The following ZMYM4 variants were observed in gnomAD, a reference collection of about 807,000 sequenced individuals.
ZMYM4 encodes zinc finger MYM-type protein 4.
In ZMYM4, 31 loss-of-function variants were observed where a neutral mutation model predicts 183.2. The ratio of observed to expected loss-of-function variants is 0.17; its 90% confidence interval spans 0.13 to 0.23. The LOEUF is 0.23. Ranked by LOEUF, ZMYM4 falls within the 10% of genes least tolerant of loss-of-function variation. The pLI is 1.00. For synonymous variants in ZMYM4, 592 were observed against 631.2 expected (o/e 0.94, Z 0.93); for missense variants, 1,273 against 1,840.3 (o/e 0.69, Z 5.64).
intron 1 of ZMYM4, among the ~76,000 whole-genome samples, chr1:35,274,371 G>A (rs1225248184): frequency 6.6e-6 from 1 of 152,048 alleles, no homozygotes; most frequent in Non-Finnish European, 1.5e-5. Flanking sequence ...TTGGGAGGCC[G>A]AGGCAGGAGG....
At chr1:35,347,126 C>T (rs1643426544) in intron 2 of ZMYM4, among the ~76,000 whole-genome samples, 1 of 152,196 alleles carries the variant, frequency 6.6e-6, no homozygotes, top group Admixed American at 6.5e-5. Flanking sequence ...CTGCCTCAGC[C>T]TCCTGAGTAG....
At chr1:35,290,459 G>A (rs369726537) in intron 1 of ZMYM4, among the ~76,000 whole-genome samples, 20 of 151,924 alleles carry the variant, frequency 1.3e-4, no homozygotes, top group African/African-American at 4.3e-4. Context: ...TTTTAGAGAC[G>A]GGATCCGGCT....
intron 4 of ZMYM4, 33 bp from the exon 5 acceptor site, chr1:35,361,586 G>A (rs1643937391): frequency 6.3e-7 from 1 of 1,583,288 alleles, no homozygotes; most frequent in African/African-American, 1.4e-5. Flanking sequence ...TTTAAAATCT[G>A]AATATTTATT....
intron 1 of ZMYM4, among the ~76,000 whole-genome samples, chr1:35,269,476 T>C (rs1028585468): frequency 2.0e-5 from 3 of 151,962 alleles, no homozygotes; most frequent in Non-Finnish European, 4.4e-5. Context: ...GAATAAGTCG[T>C]GGAGGGGTCT....
chr1:35,307,266 A>C (rs544621), intron 1 of ZMYM4, among the ~76,000 whole-genome samples: 115,433 of 151,984 alleles, frequency 0.76, 48,499 homozygotes, highest in Non-Finnish European at 0.97. Flanking sequence ...GTAAGGGGAG[A>C]AAACACTGCA....
chr1:35,325,657 A>T (rs978732172), intron 2 of ZMYM4, among the ~76,000 whole-genome samples: 1 of 152,108 alleles, frequency 6.6e-6, no homozygotes, highest in Admixed American at 6.5e-5. Context: ...CTTCGTGTCT[A>T]TATGGAAGAT....
chr1:35,277,836 G>A (rs977182057), intron 1 of ZMYM4, among the ~76,000 whole-genome samples: 7 of 152,104 alleles, frequency 4.6e-5, no homozygotes, highest in Non-Finnish European at 1.0e-4. Flanking sequence ...TGAGGTTTGG[G>A]AGGGAGTATC....
intron 7 of ZMYM4, among the ~76,000 whole-genome samples, chr1:35,375,166 C>A (rs192163735): frequency 4.9e-3 from 752 of 152,184 alleles, no homozygotes; most frequent in Middle Eastern, 0.01. Flanking sequence ...TCTCCTACTT[C>A]TCATTTTACA....
intron 1 of ZMYM4, among the ~76,000 whole-genome samples, chr1:35,311,383 T>C (rs1342433266): frequency 1.3e-5 from 2 of 150,924 alleles, no homozygotes; most frequent in African/African-American, 2.4e-5. Context: ...TATCATGCCA[T>C]TGCACTCCAG....
chr1:35,318,821 C>T (rs574795278), intron 1 of ZMYM4, among the ~76,000 whole-genome samples: 69 of 152,228 alleles, frequency 4.5e-4, no homozygotes, highest in Non-Finnish European at 8.2e-4. Context: ...TAAATTATAA[C>T]GTAGTAAGCA....
At chr1:35,395,239 AT>A (rs1343360193) in intron 18 of ZMYM4, among the ~76,000 whole-genome samples, 1 of 142,700 alleles carries the variant, frequency 7.0e-6, no homozygotes, top group East Asian at 2.1e-4. Flanking sequence ...ATTTAGTATT[AT>A]GTAGTTTGGT....
intron 2 of ZMYM4, among the ~76,000 whole-genome samples, chr1:35,341,806 T>A (rs1643209859): frequency 6.6e-6 from 1 of 152,170 alleles, no homozygotes; most frequent in Non-Finnish European, 1.5e-5. Context: ...TAGTATTTTG[T>A]CATTGGGGGC....
intron 3 of ZMYM4, among the ~76,000 whole-genome samples, chr1:35,360,438 A>G (rs1643910957): frequency 6.6e-6 from 1 of 152,092 alleles, no homozygotes; most frequent in East Asian, 1.9e-4. Context: ...TAACAATGCT[A>G]GGAAATGTAT....
rs1220550108 is a variant in ZMYM4 at position 35,405,364 on chromosome 1, C to T, written c.3701-9C>T. 18 of 1,596,756 alleles carry T rather than the reference C, an allele frequency of 1.1e-5. No homozygotes were observed. Among genetic ancestry groups the T allele is most frequent in the Non-Finnish European group, 1.5e-5 (18 of 1,175,774 alleles). On this transcript the variant is annotated splice_polypyrimidine_tract_variant and intron_variant, in intron 24 of 29. Coordinates refer to ENST00000314607, the MANE Select transcript of ZMYM4 (RefSeq NM_005095.3). ...TTAAACTTTTCTTTTATGTTTCTCT[C>T]CTTGTCAGGGGTTGAACAGGCCTCA...
intron 1 of ZMYM4, among the ~76,000 whole-genome samples, chr1:35,301,795 G>A (rs1641290245): frequency 6.6e-6 from 1 of 152,066 alleles, no homozygotes; most frequent in Admixed American, 6.6e-5. Flanking sequence ...TTTGATGTCT[G>A]CTAACTCTGA....
chr1:35,379,708 A>T (rs1164669634), intron 7 of ZMYM4, among the ~76,000 whole-genome samples: 1 of 152,190 alleles, frequency 6.6e-6, no homozygotes, highest in African/African-American at 2.4e-5. Flanking sequence ...TATAGTGAGA[A>T]ATGTGGGACT....
chr1:35,412,092 C>CAT (rs1558198090), intron 26 of ZMYM4, among the ~76,000 whole-genome samples: 1 of 149,916 alleles, frequency 6.7e-6, no homozygotes, highest in Non-Finnish European at 1.5e-5. Flanking sequence ...AGGGTTTCAC[C>CAT]GTGGTCTCGA....
chr1:35,285,892 C>T (rs1229167300), intron 1 of ZMYM4, among the ~76,000 whole-genome samples: 1 of 152,072 alleles, frequency 6.6e-6, no homozygotes. Context: ...AGGGGAATTT[C>T]CTCAACATGA....
At chr1:35,283,326 CTTTTT>C (rs201360397) in intron 1 of ZMYM4, among the ~76,000 whole-genome samples, 1 of 56,770 alleles carries the variant, frequency 1.8e-5, no homozygotes, top group African/African-American at 9.5e-5. Flanking sequence ...GAAGTGGTAT[CTTTTT>C]TTTTTTTTTT....
Sources: gnomAD v4.1 joint callset for allele counts (sites outside exome capture counted in the v4.1 genomes callset) on GRCh38, gnomAD v4.1.1 for gene constraint, MANE v1.5 for transcripts, NCBI Gene and HGNC (gene_info 2026-07-23, HGNC 2026-07-21) for gene names.